ADCY2: variants seen among roughly 807,000 people sequenced by gnomAD.
ADCY2 encodes the protein adenylate cyclase 2.
ADCY2 carries 31 observed loss-of-function variants against 125.2 expected under a neutral mutation model. The ratio of observed to expected loss-of-function variants is 0.25; its 90% CI spans 0.19 to 0.33. ADCY2 has a LOEUF of 0.33. ADCY2 is among the 10% of genes least tolerant of loss of function. The pLI is 1.00. For synonymous variants in ADCY2, 512 were observed against 548.4 expected, an observed-to-expected ratio of 0.93 and a Z score of 0.93; for missense variants, 904 against 1,418.2, an observed-to-expected ratio of 0.64 and a Z score of 5.82.
chr5:7,765,236 C>T (rs1347933810), intron 16 of ADCY2, among the ~76,000 whole-genome samples: 1 of 152,152 alleles, frequency 6.6e-6, no homozygotes, highest in African/African-American at 2.4e-5. Flanking sequence ...ACTAGTAACC[C>T]ACCAAGCTAA....
chr5:7,544,588 A>G (rs142239188), intron 3 of ADCY2, among the ~76,000 whole-genome samples: 1 of 152,274 alleles, frequency 6.6e-6, no homozygotes, highest in Non-Finnish European at 1.5e-5. Flanking sequence ...TCACGTGTGC[A>G]AAGTCCCTTT....
chr5:7,546,173 T>C (rs1261110359), intron 3 of ADCY2, among the ~76,000 whole-genome samples: 3 of 152,216 alleles, frequency 2.0e-5, no homozygotes, highest in Non-Finnish European at 4.4e-5. Flanking sequence ...TGCGGATTCC[T>C]ATGGTCCTTT....
At chr5:7,776,634 T>A (rs1176837918) in intron 18 of ADCY2, among the ~76,000 whole-genome samples, 1 of 152,150 alleles carries the variant, frequency 6.6e-6, no homozygotes, top group Non-Finnish European at 1.5e-5. Flanking sequence ...TGTGTCTGCG[T>A]GGGTGTTGCC....
chr5:7,715,621 C>T (rs1013178926), intron 11 of ADCY2, among the ~76,000 whole-genome samples: 1 of 151,306 alleles, frequency 6.6e-6, no homozygotes, highest in Admixed American at 6.6e-5. Context: ...ATTTGGTATG[C>T]TAAAACCTCT....
intron 20 of ADCY2, among the ~76,000 whole-genome samples, chr5:7,793,441 A>G (rs778213236): frequency 2.6e-5 from 4 of 152,166 alleles, no homozygotes; most frequent in Admixed American, 6.5e-5. Context: ...ACAGTACGAG[A>G]CACCATCTCA....
intron 14 of ADCY2, among the ~76,000 whole-genome samples, chr5:7,733,251 T>G (rs1742157384): frequency 6.6e-6 from 1 of 152,226 alleles, no homozygotes; most frequent in South Asian, 2.1e-4. Flanking sequence ...AATTATTATT[T>G]CTACTCAGAT....
At chr5:7,609,233 G>A (rs1255348492) in intron 3 of ADCY2, among the ~76,000 whole-genome samples, 1 of 152,152 alleles carries the variant, frequency 6.6e-6, no homozygotes, top group African/African-American at 2.4e-5. Flanking sequence ...TGATATTCAG[G>A]GATAATATCT....
chr5:7,751,594 C>T (rs1253041282), intron 15 of ADCY2, among the ~76,000 whole-genome samples: 1 of 152,176 alleles, frequency 6.6e-6, no homozygotes, highest in African/African-American at 2.4e-5. Flanking sequence ...TCAAACCCAA[C>T]ACTTTAGGGT....
At chr5:7,533,187 C>T (rs1021206724) in intron 3 of ADCY2, among the ~76,000 whole-genome samples, 13 of 151,306 alleles carry the variant, frequency 8.6e-5, no homozygotes, top group African/African-American at 2.9e-4. Context: ...TCTGTTTAGA[C>T]TTACTTTCTC....
At chr5:7,493,752 A>G (rs1056470382) in intron 2 of ADCY2, among the ~76,000 whole-genome samples, 1 of 152,152 alleles carries the variant, frequency 6.6e-6, no homozygotes, top group Non-Finnish European at 1.5e-5. Flanking sequence ...GAGTTCAATC[A>G]CGGGATACAA....
intron 1 of ADCY2, among the ~76,000 whole-genome samples, chr5:7,397,445 GTTTTT>G (rs767411861): frequency 5.7e-5 from 4 of 70,098 alleles, no homozygotes; most frequent in African/African-American, 1.5e-4. Flanking sequence ...CCACCAGTGA[GTTTTT>G]TTTTTTTTTT....
intron 2 of ADCY2, among the ~76,000 whole-genome samples, chr5:7,436,784 C>T (rs182319691): frequency 3.9e-5 from 6 of 152,338 alleles, no homozygotes; most frequent in Non-Finnish European, 4.4e-5. Context: ...ACATGCCAGG[C>T]GTGTGCAGCC....
intron 2 of ADCY2, among the ~76,000 whole-genome samples, chr5:7,471,631 A>T (rs539967510): frequency 6.6e-6 from 1 of 152,118 alleles, no homozygotes; most frequent in African/African-American, 2.4e-5. Context: ...AAAAGGTAAA[A>T]ATATGTTTAT....
intron 3 of ADCY2, among the ~76,000 whole-genome samples, chr5:7,538,105 C>T: frequency 6.6e-6 from 1 of 152,350 alleles, no homozygotes; most frequent in African/African-American, 2.4e-5. Context: ...AGGGAAGGAA[C>T]TTTGTCTTTG....
intron 2 of ADCY2, among the ~76,000 whole-genome samples, chr5:7,436,194 A>G (rs1457520331): frequency 1.3e-5 from 2 of 152,330 alleles, no homozygotes; most frequent in East Asian, 1.9e-4. Context: ...AAATATTGTG[A>G]CCAGGGGTGC....
At chr5:7,777,743 G>A (rs755579180) in intron 18 of ADCY2, among the ~76,000 whole-genome samples, 19 of 152,210 alleles carry the variant, frequency 1.2e-4, no homozygotes, top group Admixed American at 2.0e-4. Flanking sequence ...AGTTGGCAGC[G>A]GAAAAAGGAG....
chr5:7,648,120 C>T (rs970700348), intron 4 of ADCY2, among the ~76,000 whole-genome samples: 5 of 152,134 alleles, frequency 3.3e-5, no homozygotes, highest in African/African-American at 1.2e-4. Context: ...CTGTTAGAAG[C>T]CTTCAAAGAA....
intron 2 of ADCY2, among the ~76,000 whole-genome samples, chr5:7,442,608 C>T (rs1741057050): frequency 6.6e-6 from 1 of 152,154 alleles, no homozygotes; most frequent in South Asian, 2.1e-4. Flanking sequence ...CTTTCTCTCA[C>T]TGCCCTTTCA....
At chr5:7,585,917 A>G (rs1315225865) in intron 3 of ADCY2, among the ~76,000 whole-genome samples, 1 of 152,262 alleles carries the variant, frequency 6.6e-6, no homozygotes, top group African/African-American at 2.4e-5. Context: ...TTGTATGTAC[A>G]TGGTGAAACA....
Sources: gnomAD v4.1 joint callset for allele counts (sites outside exome capture counted in the v4.1 genomes callset) on GRCh38, gnomAD v4.1.1 for gene constraint, MANE v1.5 for transcripts, NCBI Gene and HGNC (gene_info 2026-07-23, HGNC 2026-07-21) for gene names.